RNLS: variants seen among roughly 807,000 people sequenced by gnomAD.
RNLS encodes renalase.
A neutral mutation model predicts 39.8 loss-of-function variants in RNLS; 39 were observed. The observed-to-expected ratio is 0.98, with a 90% CI of 0.76 to 1.28. RNLS has a LOEUF of 1.28. Among genes scored for constraint, RNLS ranks in the 50% most tolerant of loss-of-function variants. The pLI is 0.00. For synonymous variants in RNLS, 147 were observed against 150.7 expected (o/e 0.98, Z 0.18); for missense variants, 410 against 413.3 (o/e 0.99, Z 0.07).
At chr10:88,392,110 T>G (rs543088992) in intron 4 of RNLS, among the ~76,000 whole-genome samples, 2 of 152,378 alleles carry the variant, frequency 1.3e-5, no homozygotes, top group African/African-American at 2.4e-5. Flanking sequence ...ATATTTTTCT[T>G]AACAGAAATG....
At chr10:88,222,784 C>A in the RNLS span, among the ~76,000 whole-genome samples, 1 of 152,170 alleles carries the variant, frequency 6.6e-6, no homozygotes, top group African/African-American at 2.4e-5. Context: ...GGGAATTGAA[C>A]AGGGCAGAGT....
the RNLS span, among the ~76,000 whole-genome samples, chr10:88,252,033 C>T: frequency 6.6e-6 from 1 of 152,186 alleles, no homozygotes; most frequent in African/African-American, 2.4e-5. Context: ...GTAGCCATTC[C>T]TACTTGGTCT....
chr10:88,524,200 G>A (rs907024666), intron 4 of RNLS, among the ~76,000 whole-genome samples: 6 of 151,870 alleles, frequency 4.0e-5, no homozygotes, highest in Non-Finnish European at 8.8e-5. Context: ...ATGGCTTCCT[G>A]GGCCCTGCTT....
At chr10:88,533,785 T>C (rs989399265) in intron 4 of RNLS, among the ~76,000 whole-genome samples, 2 of 152,110 alleles carry the variant, frequency 1.3e-5, no homozygotes, top group African/African-American at 4.8e-5. Context: ...AGGACAGTGA[T>C]GTCTAAAGTA....
intron 4 of RNLS, among the ~76,000 whole-genome samples, chr10:88,541,845 G>T (rs139120270): frequency 6.6e-6 from 1 of 152,062 alleles, no homozygotes; most frequent in Non-Finnish European, 1.5e-5. Flanking sequence ...TTATTTGAGG[G>T]TTCTTTATAG....
chr10:88,469,638 A>G (rs1033185855), intron 4 of RNLS, among the ~76,000 whole-genome samples: 34 of 152,306 alleles, frequency 2.2e-4, no homozygotes, highest in African/African-American at 8.2e-4. Context: ...AGGACGCAGT[A>G]TACAGTGTCT....
chr10:88,250,871 G>A, the RNLS span, among the ~76,000 whole-genome samples: 1 of 152,104 alleles, frequency 6.6e-6, no homozygotes, highest in East Asian at 1.9e-4. Flanking sequence ...TTTGTTAACT[G>A]GCTAGACTCT....
intron 5 of RNLS, among the ~76,000 whole-genome samples, chr10:88,336,299 T>C (rs1375945655): frequency 6.6e-6 from 1 of 152,254 alleles, no homozygotes; most frequent in Non-Finnish European, 1.5e-5. Flanking sequence ...TGTGGATGTA[T>C]GCATTTGCCA....
intron 4 of RNLS, among the ~76,000 whole-genome samples, chr10:88,396,194 A>C (rs185960374): frequency 1.3e-5 from 2 of 152,216 alleles, no homozygotes; most frequent in East Asian, 3.9e-4. Flanking sequence ...AATATAAAAG[A>C]AAGCACAAAT....
chr10:88,360,655 C>T (rs986960960), intron 5 of RNLS, among the ~76,000 whole-genome samples: 10 of 152,116 alleles, frequency 6.6e-5, no homozygotes, highest in African/African-American at 2.4e-4. Flanking sequence ...CCAGTCTGGT[C>T]TTGAACTCCT....
At chr10:88,291,248 G>A (rs931513911) in intron 6 of RNLS, among the ~76,000 whole-genome samples, 2 of 152,160 alleles carry the variant, frequency 1.3e-5, no homozygotes, top group African/African-American at 4.8e-5. Context: ...CATTGTTGCT[G>A]TTAGGACTTC....
chr10:88,281,037 G>A (rs1842992732), downstream of RNLS, among the ~76,000 whole-genome samples: 1 of 152,208 alleles, frequency 6.6e-6, no homozygotes, highest in Admixed American at 6.5e-5. Flanking sequence ...GGAAACGTGA[G>A]TCATACTACC....
At chr10:88,563,942 T>C (rs1849343668) in intron 4 of RNLS, among the ~76,000 whole-genome samples, 1 of 152,238 alleles carries the variant, frequency 6.6e-6, no homozygotes, top group Non-Finnish European at 1.5e-5. Flanking sequence ...AGCATTTCCT[T>C]AATTTGTGGT....
chr10:88,405,974 A>G (rs535036658), intron 4 of RNLS, among the ~76,000 whole-genome samples: 23 of 151,996 alleles, frequency 1.5e-4, no homozygotes, highest in Non-Finnish European at 2.9e-4. Context: ...TCTTTCCTTC[A>G]TATATGATGC....
At chr10:88,567,761 A>AG (rs1347248319) in intron 4 of RNLS, among the ~76,000 whole-genome samples, 11 of 152,346 alleles carry the variant, frequency 7.2e-5, no homozygotes, top group Admixed American at 5.9e-4. Context: ...ATGATACTCA[A>AG]GGAAAAAAAT....
intron 4 of RNLS, among the ~76,000 whole-genome samples, chr10:88,449,660 G>T (rs931854971): frequency 6.6e-6 from 1 of 152,110 alleles, no homozygotes; most frequent in Non-Finnish European, 1.5e-5. Flanking sequence ...TATAAAAGAC[G>T]TCTCTGACTT....
chr10:88,418,756 G>A (rs913082184), intron 4 of RNLS, among the ~76,000 whole-genome samples: 12 of 152,210 alleles, frequency 7.9e-5, no homozygotes, highest in South Asian at 4.2e-4. Flanking sequence ...ACCACATCTC[G>A]GGGTATGTGT....
chr10:88,285,097 A>G lies in RNLS; in HGVS notation c.*257T>C, dbSNP rs914283310. 3.2e-5 allele frequency: 34 copies of G among 1,063,408 alleles called. No homozygotes were observed. The highest frequency in any genetic ancestry group is 3.9e-5 in the Non-Finnish European group (34 of 880,792). The allele number at this position is 1,063,408 out of a possible 1,614,324, so 65.9% of individuals were successfully genotyped here. A position where few individuals can be genotyped will look rare whatever the true frequency, so the allele number is the denominator to read the frequency against. Reference sequence around the variant, plus strand: ...AGTCGTTTGTTATTTTTTAAGTACCACTTTTCCTCCAACAAGGAGTAGTCA... The same window carrying G: ...AGTCGTTTGTTATTTTTTAAGTACCGCTTTTCCTCCAACAAGGAGTAGTCA... On this transcript the variant is annotated 3_prime_UTR_variant, in exon 7 of 7. Transcript: ENST00000331772.
chr10:88,467,053 T>C (rs1376684343), intron 4 of RNLS, among the ~76,000 whole-genome samples: 1 of 152,100 alleles, frequency 6.6e-6, no homozygotes, highest in East Asian at 1.9e-4. Flanking sequence ...TACAGTGGAC[T>C]CCAGTAGGGT....
Sources: gnomAD v4.1 joint callset for allele counts (sites outside exome capture counted in the v4.1 genomes callset) on GRCh38, gnomAD v4.1.1 for gene constraint, MANE v1.5 for transcripts, NCBI Gene and HGNC (gene_info 2026-07-23, HGNC 2026-07-21) for gene names.